Variants in RNMT observed in about 807,000 individuals in gnomAD.
The protein encoded by RNMT is mRNA cap guanine-N(7) methyltransferase.
A neutral mutation model predicts 56.0 loss-of-function variants in RNMT; 27 were observed. The ratio of observed to expected loss-of-function variants is 0.48; its 90% CI spans 0.36 to 0.67. RNMT has a LOEUF of 0.67. RNMT is among the 30% of genes least tolerant of loss of function. The pLI is 0.00. For missense variants in RNMT, 519 were observed against 552.1 expected (o/e 0.94, Z 0.60); for synonymous variants, 184 against 176.2 (o/e 1.04, Z -0.35).
intron 8 of RNMT, chr18:13,743,147 A>G (rs1602016759): frequency 6.6e-6 from 1 of 151,198 alleles, no homozygotes; most frequent in African/African-American, 2.4e-5. Context: ...ACACGGTGAA[A>G]CCCCGTCTCT....
chr18:13,746,217 C>T lies in RNMT; in HGVS notation c.1140-3C>T. On this transcript the variant is annotated splice_region_variant and splice_polypyrimidine_tract_variant and intron_variant, in intron 8 of 11. Coordinates refer to ENST00000383314, the MANE Select transcript of RNMT (RefSeq NM_003799.3). ...TTTTCATTAAGTATTCTTTTTTGGA[C>T]AGAATGGCAAAGAAGTACAATATGA... 7.1e-7 allele frequency: 1 copy of T among 1,416,278 alleles called. No homozygotes were observed. 87.7% of individuals were successfully genotyped at this position (1,416,278 alleles called of 1,614,324 possible).
chr18:13,738,916 G>T (rs971859626), intron 5 of RNMT, among the ~76,000 whole-genome samples: 5 of 152,188 alleles, frequency 3.3e-5, no homozygotes, highest in Admixed American at 3.3e-4. Context: ...TTCTACCTCA[G>T]ATCATCAGGT....
At chr18:13,747,287 T>A (rs1172509376) in intron 9 of RNMT, among the ~76,000 whole-genome samples, 3 of 151,636 alleles carry the variant, frequency 2.0e-5, no homozygotes, top group Admixed American at 2.0e-4. Flanking sequence ...AGTGATGTGA[T>A]CACAGCTCAC....
At chr18:13,752,281 G>T (rs781235280) in intron 9 of RNMT, 45 bp from the exon 10 acceptor site, 25 of 1,199,158 alleles carry the variant, frequency 2.1e-5, no homozygotes, top group Admixed American at 6.9e-5. Context: ...ATTCTGAATT[G>T]TAAATTTCCG....
intron 2 of RNMT, among the ~76,000 whole-genome samples, 169 bp from the exon 3 acceptor site, chr18:13,731,307 C>T (rs974573298): frequency 2.6e-5 from 4 of 151,848 alleles, no homozygotes; most frequent in Non-Finnish European, 5.9e-5. Flanking sequence ...ACTGGGGAGG[C>T]TGAGGCGGGA....
intron 9 of RNMT, among the ~76,000 whole-genome samples, chr18:13,746,725 C>T (rs2044358198): frequency 6.6e-6 from 1 of 152,164 alleles, no homozygotes; most frequent in South Asian, 2.1e-4. Context: ...AACCAGAAAA[C>T]TCTCTCCAGA....
In RNMT at chr18:13,760,792, C is replaced by G; in HGVS notation, c.*813C>G. On this transcript the variant is annotated 3_prime_UTR_variant, in exon 12 of 12. Transcript: ENST00000383314. ...GTTGCACATTTTTTCCAAATTTATA[C>G]ATGGAACTGCAGTAGGAATATTCTC... 1 of 985,430 alleles carries G rather than the reference C, an allele frequency of 1.0e-6. No homozygotes were observed. The allele number at this position is 985,430 out of a possible 1,614,324, so 61.0% of individuals were successfully genotyped here.
chr18:13,758,092 C>T (rs959173000), intron 11 of RNMT, among the ~76,000 whole-genome samples: 6 of 152,078 alleles, frequency 3.9e-5, no homozygotes, highest in Non-Finnish European at 8.8e-5. Flanking sequence ...CTCAGTAAAC[C>T]GTGATGTGAA....
At chr18:13,734,647 A>C (rs1225063033) in intron 4 of RNMT, 48 bp downstream of exon 4, 3 of 1,463,504 alleles carry the variant, frequency 2.0e-6, no homozygotes, top group Middle Eastern at 1.9e-4. Flanking sequence ...TATTCATTTA[A>C]TTATCAAACC....
chr18:13,745,784 A>G (rs1335984282), intron 8 of RNMT, among the ~76,000 whole-genome samples: 1 of 152,170 alleles, frequency 6.6e-6, no homozygotes, highest in Non-Finnish European at 1.5e-5. Flanking sequence ...AAAACCTGCA[A>G]AGAAGCAGTT....
At chr18:13,743,336 ATAAATAAAT>A (rs758195830) in intron 8 of RNMT, among the ~76,000 whole-genome samples, 3 of 57,020 alleles carry the variant, frequency 5.3e-5, no homozygotes, top group South Asian at 6.3e-4. Context: ...AAAAAAATAA[ATAAATAAAT>A]AAATAAATAA....
chr18:13,750,398 C>T (rs2044421208), intron 9 of RNMT, among the ~76,000 whole-genome samples: 1 of 151,046 alleles, frequency 6.6e-6, no homozygotes, highest in Admixed American at 6.6e-5. Context: ...TATATAAAGC[C>T]TTTGGCTAAC....
At chr18:13,752,580 C>A (rs548963670) in intron 10 of RNMT, among the ~76,000 whole-genome samples, 153 bp downstream of exon 10, 1 of 152,258 alleles carries the variant, frequency 6.6e-6, no homozygotes, top group South Asian at 2.1e-4. Flanking sequence ...CTTGTTATAA[C>A]CACAGAATAT....
chr18:13,737,716 T>A (rs755351013), intron 5 of RNMT, among the ~76,000 whole-genome samples: 3 of 147,976 alleles, frequency 2.0e-5, no homozygotes, highest in African/African-American at 7.4e-5. Flanking sequence ...ATTTTAACAT[T>A]AAAAAAAAAA....
intron 9 of RNMT, among the ~76,000 whole-genome samples, chr18:13,748,019 TG>T (rs1262996495): frequency 1.3e-5 from 2 of 152,322 alleles, no homozygotes; most frequent in East Asian, 3.9e-4. Flanking sequence ...TACTTAGGTA[TG>T]GTAGGGTATG....
intron 8 of RNMT, among the ~76,000 whole-genome samples, chr18:13,745,834 G>C (rs936486968): frequency 1.3e-5 from 2 of 152,132 alleles, no homozygotes; most frequent in Non-Finnish European, 1.5e-5. Flanking sequence ...TCTTGCCAGA[G>C]AAGTCGAGAT....
At chr18:13,732,762 T>TTTTTTTTTTC (rs142277511) in intron 3 of RNMT, among the ~76,000 whole-genome samples, 4 of 98,680 alleles carry the variant, frequency 4.1e-5, no homozygotes, top group South Asian at 3.7e-4. Flanking sequence ...TTTTTTTTTT[T>TTTTTTTTTTC]GGAGACAGAG....
intron 6 of RNMT, 51 bp from the exon 7 acceptor site, chr18:13,741,459 A>T: frequency 1.5e-6 from 2 of 1,334,950 alleles, no homozygotes; most frequent in Admixed American, 2.1e-5. Context: ...AAAAGTTTTT[A>T]ATCTTTGTTG....
intron 1 of RNMT, among the ~76,000 whole-genome samples, chr18:13,730,234 TCA>T (rs1405820881): frequency 6.6e-6 from 1 of 152,340 alleles, no homozygotes; most frequent in East Asian, 1.9e-4. Context: ...AATAGATAGT[TCA>T]GTTATTTCTC....
Sources: allele counts gnomAD v4.1 joint callset (sites outside exome capture counted in the v4.1 genomes callset), GRCh38; gene constraint gnomAD v4.1.1; transcripts MANE v1.5; gene names NCBI Gene and HGNC (gene_info 2026-07-23, HGNC 2026-07-21).